CYTIP: variants seen among roughly 807,000 people sequenced by gnomAD.
CYTIP encodes the protein cytohesin 1 interacting protein.
CYTIP carries 26 observed loss-of-function variants against 43.8 expected under a neutral mutation model. The observed-to-expected ratio is 0.59, with a 90% CI of 0.44 to 0.82. The LOEUF (loss-of-function observed/expected upper bound fraction) is 0.82, where lower values mean the gene tolerates loss of function less well. Ranked by LOEUF, CYTIP falls within the 40% of genes least tolerant of loss-of-function variation. The pLI, the probability that CYTIP is intolerant of heterozygous loss-of-function variation, is 0.00. For synonymous variants in CYTIP, 162 were observed against 162.9 expected (o/e 0.99, Z 0.04); for missense variants, 426 against 443.1 (o/e 0.96, Z 0.35).
intron 1 of CYTIP, among the ~76,000 whole-genome samples, chr2:157,438,267 C>T (rs959643802): frequency 6.6e-6 from 1 of 151,944 alleles, no homozygotes; most frequent in Non-Finnish European, 1.5e-5. Context: ...GTGAGATAAG[C>T]CAGGAATAGA....
Position 157,434,855 on chromosome 2 carries a change from A to T in CYTIP, c.175-108T>A, listed in dbSNP as rs111713909. 762 of 286,900 alleles carry T rather than the reference A, an allele frequency of 2.7e-3. 3 individuals are homozygous for T. The highest frequency in any genetic ancestry group is 0.017 in the African/African-American group (442 of 26,780). 17.8% of individuals were successfully genotyped at this position (286,900 alleles called of 1,614,324 possible). On this transcript the variant is annotated intron_variant, in intron 1 of 7. Coordinates refer to ENST00000264192, the MANE Select transcript of CYTIP (RefSeq NM_004288.5). ...CTCTCTCTCTCTCTCTCTCTCACACACACACACACACACACACACACACAC... is the reference window on the plus strand; with the variant it reads ...CTCTCTCTCTCTCTCTCTCTCACACTCACACACACACACACACACACACAC...
At chr2:157,427,928 G>A (rs115071769) in intron 5 of CYTIP, among the ~76,000 whole-genome samples, 3 of 152,276 alleles carry the variant, frequency 2.0e-5, no homozygotes, top group Non-Finnish European at 4.4e-5. Context: ...TTCCTCCATA[G>A]GATTCTAGGA....
intron 1 of CYTIP, among the ~76,000 whole-genome samples, chr2:157,436,770 T>C (rs1685812087): frequency 6.6e-6 from 1 of 152,076 alleles, no homozygotes; most frequent in Non-Finnish European, 1.5e-5. Context: ...GAGAAATAGA[T>C]AAAAATAAAT....
At chr2:157,416,186 C>G (rs1300064952) in intron 7 of CYTIP, 43 bp from the exon 8 acceptor site, 1 of 1,465,330 alleles carries the variant, frequency 6.8e-7, no homozygotes, top group South Asian at 1.3e-5. Flanking sequence ...GTTCATTACT[C>G]CCTACAAATA....
intron 1 of CYTIP, among the ~76,000 whole-genome samples, chr2:157,441,683 T>G (rs1685921268): frequency 6.6e-6 from 1 of 152,118 alleles, no homozygotes; most frequent in African/African-American, 2.4e-5. Context: ...CCTCCTCTGA[T>G]AATCAGCCTC....
intron 3 of CYTIP, among the ~76,000 whole-genome samples, chr2:157,432,203 C>A (rs1309122056): frequency 6.6e-6 from 1 of 152,078 alleles, no homozygotes; most frequent in Non-Finnish European, 1.5e-5. Flanking sequence ...CCCTCCATTC[C>A]CAGAGATCAA....
chr2:157,421,196 G>A (rs1023016563), intron 6 of CYTIP, among the ~76,000 whole-genome samples: 1 of 152,198 alleles, frequency 6.6e-6, no homozygotes, highest in African/African-American at 2.4e-5. Context: ...GCTCTCATTG[G>A]ATGAGAACTA....
intron 3 of CYTIP, among the ~76,000 whole-genome samples, chr2:157,431,193 G>T (rs1014135662): frequency 2.0e-5 from 3 of 152,164 alleles, no homozygotes; most frequent in African/African-American, 7.2e-5. Context: ...AAATGAGAGT[G>T]GCTCAAGATT....
At chr2:157,439,824 T>C (rs776071106) in intron 1 of CYTIP, among the ~76,000 whole-genome samples, 1 of 152,264 alleles carries the variant, frequency 6.6e-6, no homozygotes, top group Non-Finnish European at 1.5e-5. Context: ...TTTAGTCAGA[T>C]AACTTAAAAG....
rs373355513 is a variant in CYTIP, at chr2:157,443,489, G to C, written c.174+358C>G. 3.9e-4 allele frequency among the ~76,000 whole-genome samples: 59 copies of C among 152,324 alleles called. 1 individual carries two copies. The East Asian group carries it at 0.011, about 28-fold the overall frequency. On this transcript the variant is annotated intron_variant, in intron 1 of 7. Transcript: ENST00000264192. ...CCATCAAGGACTGCAAGTAAGGATG[G>C]AAGGGAAAGAATCAGTGGAGACACA... is the stretch of plus-strand genomic sequence containing the variant.
At chr2:157,426,221 G>C (rs1168515655) in intron 6 of CYTIP, among the ~76,000 whole-genome samples, 1 of 152,018 alleles carries the variant, frequency 6.6e-6, no homozygotes. Context: ...TATTTTTTAA[G>C]TCCATAAAAG....
intron 6 of CYTIP, among the ~76,000 whole-genome samples, chr2:157,424,296 A>G (rs1685567981): frequency 1.3e-5 from 2 of 152,208 alleles, no homozygotes; most frequent in Non-Finnish European, 2.9e-5. Flanking sequence ...TTTATTTCAC[A>G]TGTCTATTAA....
chr2:157,441,152 C>G (rs1157613521), intron 1 of CYTIP, among the ~76,000 whole-genome samples: 1 of 152,152 alleles, frequency 6.6e-6, no homozygotes, highest in Non-Finnish European at 1.5e-5. Flanking sequence ...CCAACAACAA[C>G]AAGAAGTATG....
At chr2:157,433,377 C>T (rs1480344306) in intron 3 of CYTIP, among the ~76,000 whole-genome samples, 2 of 152,164 alleles carry the variant, frequency 1.3e-5, no homozygotes, top group African/African-American at 4.8e-5. Context: ...GTCTTCATTG[C>T]AGCTAAAGTT....
intron 1 of CYTIP, among the ~76,000 whole-genome samples, chr2:157,437,122 A>G (rs185593791): frequency 1.1e-3 from 162 of 152,254 alleles, no homozygotes; most frequent in African/African-American, 3.8e-3. Context: ...ACTGGAATAA[A>G]ACATAGGGGA....
At chr2:157,430,486 A>G in intron 5 of CYTIP, 73 bp downstream of exon 5, 1 of 1,323,884 alleles carries the variant, frequency 7.6e-7, no homozygotes, top group Non-Finnish European at 1.1e-6. Context: ...CAAAAGGCCT[A>G]TTTATTCACT....
At chr2:157,440,820 C>A (rs924909470) in intron 1 of CYTIP, among the ~76,000 whole-genome samples, 1 of 152,182 alleles carries the variant, frequency 6.6e-6, no homozygotes, top group East Asian at 1.9e-4. Flanking sequence ...TTTCCAAAAG[C>A]AACGTACTAC....
intron 6 of CYTIP, among the ~76,000 whole-genome samples, chr2:157,423,308 A>C (rs1247700781): frequency 6.6e-6 from 1 of 152,072 alleles, no homozygotes; most frequent in Admixed American, 6.5e-5. Context: ...TCAAGAAAAA[A>C]AAAGAAGCAT....
chr2:157,437,879 G>A (rs955466159), intron 1 of CYTIP, among the ~76,000 whole-genome samples: 1 of 152,106 alleles, frequency 6.6e-6, no homozygotes, highest in Admixed American at 6.6e-5. Context: ...AATAATAAAT[G>A]CTGGTGAGGA....
Sources: gnomAD v4.1 joint callset for allele counts (sites outside exome capture counted in the v4.1 genomes callset) on GRCh38, gnomAD v4.1.1 for gene constraint, MANE v1.5 for transcripts, NCBI Gene and HGNC (gene_info 2026-07-23, HGNC 2026-07-21) for gene names.